The following RSRC1 variants were observed in gnomAD, a reference collection of about 807,000 sequenced individuals.
The protein encoded by RSRC1 is serine/Arginine-related protein 53.
RSRC1 carries 39 observed loss-of-function variants against 49.1 expected under a neutral mutation model. The ratio of observed to expected loss-of-function variants is 0.79; its 90% CI spans 0.61 to 1.04. The LOEUF (loss-of-function observed/expected upper bound fraction) is 1.04. Ranked by LOEUF, RSRC1 falls within the 50% of genes least tolerant of loss-of-function variation. The probability of loss-of-function intolerance (pLI) is 0.00; values close to 1 mark genes in which losing one functional copy is unlikely to be tolerated. For missense variants in RSRC1, 388 were observed against 402.4 expected (o/e 0.96, Z 0.31); for synonymous variants, 143 against 130.8 (o/e 1.09, Z -0.63).
At chr3:158,298,261 A>C (rs1727349766) in intron 5 of RSRC1, among the ~76,000 whole-genome samples, 186 bp downstream of exon 5, 1 of 152,066 alleles carries the variant, frequency 6.6e-6, no homozygotes, top group Admixed American at 6.6e-5. Flanking sequence ...GGGAATTTAA[A>C]AATTTTTTAA....
rs374681506 is a variant in RSRC1, at chr3:158,137,203, T to C, written c.320+13212T>C. Among the ~76,000 whole-genome samples, 12 of 152,268 alleles carry C rather than the reference T, an allele frequency of 7.9e-5. No individual in the cohort carries two copies. In the East Asian group the frequency reaches 1.9e-3, roughly 24 times the overall value. ...TGAATTAATAAGCTCATTTAAAAAA[T>C]TGGGTATTCTCCCCTCACCTCACTT... is the stretch of plus-strand genomic sequence containing the variant. On this transcript the variant is annotated intron_variant, in intron 3 of 9. Transcript: ENST00000611884.
At chr3:158,310,741 TTAAATA>T (rs1484777188) in intron 5 of RSRC1, among the ~76,000 whole-genome samples, 1 of 151,782 alleles carries the variant, frequency 6.6e-6, no homozygotes, top group African/African-American at 2.4e-5. Context: ...TATATAAACA[TTAAATA>T]TAAAGTAATG....
rs1466807049 is a variant in RSRC1, at chr3:158,121,057, A to T, written c.-2-1046A>T. ...TAACTATATAGAAATAGTTTGAAAA[A>T]CTATATTTTATATTATGAAAATTAT... On this transcript the variant is annotated intron_variant, in intron 1 of 9. Transcript: ENST00000611884. Among the ~76,000 whole-genome samples, 7 of 151,904 alleles carry T rather than the reference A, an allele frequency of 4.6e-5. No homozygotes were observed. In the East Asian group the frequency reaches 1.3e-3, roughly 29 times the overall value.
At chr3:158,168,876 T>G (rs1377915046) in intron 3 of RSRC1, among the ~76,000 whole-genome samples, 5 of 152,106 alleles carry the variant, frequency 3.3e-5, no homozygotes, top group Non-Finnish European at 4.4e-5. Flanking sequence ...GAAATTAAAA[T>G]GAAATTTTAA....
At chr3:158,345,377 G>A (rs1483438386) in intron 5 of RSRC1, among the ~76,000 whole-genome samples, 1 of 152,066 alleles carries the variant, frequency 6.6e-6, no homozygotes, top group Non-Finnish European at 1.5e-5. Context: ...CCAACTACAT[G>A]CTGCTTACTT....
intron 3 of RSRC1, among the ~76,000 whole-genome samples, chr3:158,154,918 C>T (rs1246033798): frequency 6.6e-6 from 1 of 152,146 alleles, no homozygotes; most frequent in Non-Finnish European, 1.5e-5. Flanking sequence ...CTTTTTTGCT[C>T]ATCCATAAGA....
chr3:158,252,698 T>C (rs1332238993), intron 4 of RSRC1, among the ~76,000 whole-genome samples: 2 of 152,220 alleles, frequency 1.3e-5, no homozygotes, highest in Non-Finnish European at 2.9e-5. Flanking sequence ...AATTCAGCAT[T>C]GAAGCCATTG....
chr3:158,374,154 C>T (rs887994271), intron 6 of RSRC1, among the ~76,000 whole-genome samples: 11 of 152,102 alleles, frequency 7.2e-5, no homozygotes, highest in African/African-American at 2.4e-4. Flanking sequence ...AATACTCTAA[C>T]GGATTGGATA....
chr3:158,535,077 A>G (rs774464539), intron 7 of RSRC1, among the ~76,000 whole-genome samples: 3 of 151,422 alleles, frequency 2.0e-5, no homozygotes, highest in Non-Finnish European at 4.4e-5. Context: ...TAAGACCTAA[A>G]ATATTTTTTC....
At chr3:158,248,317 T>G (rs1294975888) in intron 4 of RSRC1, among the ~76,000 whole-genome samples, 1 of 152,216 alleles carries the variant, frequency 6.6e-6, no homozygotes, top group East Asian at 1.9e-4. Context: ...GTCTAGCTTT[T>G]TTCATTCAGC....
chr3:158,184,478 G>A (rs1418371637), intron 3 of RSRC1, among the ~76,000 whole-genome samples: 1 of 152,112 alleles, frequency 6.6e-6, no homozygotes, highest in African/African-American at 2.4e-5. Flanking sequence ...CCATTGAGAT[G>A]TTTCATGCCT....
intron 3 of RSRC1, among the ~76,000 whole-genome samples, chr3:158,192,388 A>G (rs1178776140): frequency 1.3e-5 from 2 of 152,106 alleles, no homozygotes; most frequent in Admixed American, 6.6e-5. Context: ...AATAATGAGC[A>G]CAATTAGTTT....
At chr3:158,451,719 G>A (rs1314613437) in intron 6 of RSRC1, among the ~76,000 whole-genome samples, 1 of 152,034 alleles carries the variant, frequency 6.6e-6, no homozygotes, top group African/African-American at 2.4e-5. Context: ...CTCCAGTGGT[G>A]CTTTTTAGAG....
intron 4 of RSRC1, among the ~76,000 whole-genome samples, chr3:158,236,442 A>C (rs1160255957): frequency 2.0e-5 from 3 of 152,290 alleles, no homozygotes; most frequent in Admixed American, 6.5e-5. Context: ...CTCTTTTAAA[A>C]GTTTGTTTGT....
chr3:158,112,144 A>G (rs1319178120), intron 1 of RSRC1, among the ~76,000 whole-genome samples: 5 of 152,182 alleles, frequency 3.3e-5, no homozygotes, highest in Admixed American at 6.5e-5. Flanking sequence ...TCTTTCACCT[A>G]CAGATAGATT....
intron 8 of RSRC1, among the ~76,000 whole-genome samples, chr3:158,541,916 A>C (rs1474788060): frequency 6.6e-6 from 1 of 152,114 alleles, no homozygotes; most frequent in African/African-American, 2.4e-5. Flanking sequence ...AGAAACAATG[A>C]TTTATTAGTT....
In RSRC1 at chr3:158,381,827, T is replaced by C. The variant is rs564211757; in HGVS notation, c.583+26919T>C. On this transcript the variant is annotated intron_variant, in intron 6 of 9. Coordinates refer to ENST00000611884, the MANE Select transcript of RSRC1 (RefSeq NM_001271838.2). ...GGGCACTTACCGTAAATAGACTTTGTAGGTGAGTCAGGGAGTGAGTGGTGA... is the reference window on the plus strand; with the variant it reads ...GGGCACTTACCGTAAATAGACTTTGCAGGTGAGTCAGGGAGTGAGTGGTGA... 3.9e-5 allele frequency among the ~76,000 whole-genome samples: 6 copies of C among 152,256 alleles called. No individual in the cohort carries two copies. In the East Asian group the frequency reaches 1.2e-3, roughly 29 times the overall value.
At chr3:158,320,232 A>T (rs1728685853) in intron 5 of RSRC1, among the ~76,000 whole-genome samples, 1 of 152,194 alleles carries the variant, frequency 6.6e-6, no homozygotes, top group Non-Finnish European at 1.5e-5. Flanking sequence ...ACCAGTGAGG[A>T]GAAAAAGGAT....
chr3:158,413,634 A>G (rs558401151), intron 6 of RSRC1, among the ~76,000 whole-genome samples: 5 of 132,580 alleles, frequency 3.8e-5, no homozygotes, highest in African/African-American at 1.1e-4. Flanking sequence ...AACGTAAACA[A>G]AATTACAAGA....
Sources: allele counts gnomAD v4.1 joint callset (sites outside exome capture counted in the v4.1 genomes callset), GRCh38; gene constraint gnomAD v4.1.1; transcripts MANE v1.5; gene names NCBI Gene and HGNC (gene_info 2026-07-23, HGNC 2026-07-21).